Variants in SERPINE3 observed in about 807,000 individuals in gnomAD.
SERPINE3 encodes the protein serpin E3.
A neutral mutation model predicts 41.7 loss-of-function variants in SERPINE3; 43 were observed. The ratio of observed to expected loss-of-function variants is 1.03; its 90% CI spans 0.81 to 1.33. SERPINE3 has a LOEUF of 1.33. Ranked by LOEUF, SERPINE3 falls within the 40% of genes most tolerant of loss-of-function variation. The pLI is 0.00. For missense variants in SERPINE3, 440 were observed against 491.7 expected, an observed-to-expected ratio of 0.89 and a Z score of 0.99; for synonymous variants, 200 against 192.2, an observed-to-expected ratio of 1.04 and a Z score of -0.34.
In SERPINE3 at chr13:51,364,409, T is replaced by C; in HGVS notation, c.*127T>C. ...GCTAAGGGTATGTGATTTTCAATAT[T>C]ATAAACCTAAAAATACTTCAGTTTT... On this transcript the variant is annotated 3_prime_UTR_variant, in exon 10 of 10. Coordinates refer to ENST00000681248, the MANE Select transcript of SERPINE3 (RefSeq NM_001386375.1). The C allele has an allele frequency of 3.9e-6, 2 of 508,612 alleles. No individual in the cohort carries two copies. Among genetic ancestry groups the C allele is most frequent in the Non-Finnish European group, 6.7e-6 (2 of 296,418 alleles). The allele number at this position is 508,612 out of a possible 1,614,324, so 31.5% of individuals were successfully genotyped here.
chr13:51,353,416 T>C (rs574994780), intron 6 of SERPINE3, among the ~76,000 whole-genome samples: 1 of 152,308 alleles, frequency 6.6e-6, no homozygotes, highest in African/African-American at 2.4e-5. Flanking sequence ...AAACACGCAT[T>C]ACAATTATGG....
intron 7 of SERPINE3, 97 bp downstream of exon 7, chr13:51,355,240 G>A (rs912267359): frequency 1.4e-5 from 6 of 443,308 alleles, no homozygotes; most frequent in East Asian, 1.3e-4. Flanking sequence ...TCAACATTAT[G>A]TAAAAGAATA....
At chr13:51,341,949 G>C (rs536203605) in intron 3 of SERPINE3, among the ~76,000 whole-genome samples, 29 of 152,274 alleles carry the variant, frequency 1.9e-4, no homozygotes, top group African/African-American at 5.1e-4. Context: ...CTTCTAGCCA[G>C]TGCCAGATCT....
At chr13:51,361,402 T>C (rs1394949177) in intron 8 of SERPINE3, 38 bp downstream of exon 8, 1 of 1,266,886 alleles carries the variant, frequency 7.9e-7, no homozygotes, top group East Asian at 2.3e-5. Context: ...TGCTTACCCA[T>C]ATCTACCTTT....
chr13:51,346,891 G>T, intron 4 of SERPINE3, 134 bp from the exon 5 acceptor site: 1 of 644,300 alleles, frequency 1.6e-6, no homozygotes, highest in Non-Finnish European at 2.8e-6. Flanking sequence ...GTAAGATGAA[G>T]AGAGAGACCA....
intron 3 of SERPINE3, 27 bp from the exon 4 acceptor site, chr13:51,344,225 C>T (rs1593636557): frequency 6.3e-7 from 1 of 1,576,534 alleles, no homozygotes; most frequent in Non-Finnish European, 8.7e-7. Flanking sequence ...TCACCATTGT[C>T]AACTTATCCC....
chr13:51,345,438 C>CA (rs1264784444), intron 4 of SERPINE3, among the ~76,000 whole-genome samples: 1 of 151,694 alleles, frequency 6.6e-6, no homozygotes, highest in East Asian at 1.9e-4. Flanking sequence ...ACTAAAAATA[C>CA]AAAAAATTAG....
At chr13:51,351,503 G>C (rs1020238976) in intron 6 of SERPINE3, among the ~76,000 whole-genome samples, 1 of 151,994 alleles carries the variant, frequency 6.6e-6, no homozygotes, top group Non-Finnish European at 1.5e-5. Context: ...TTTTATTATT[G>C]AGTTGTAATA....
intron 4 of SERPINE3, among the ~76,000 whole-genome samples, chr13:51,344,741 G>A (rs1955329773): frequency 6.6e-6 from 1 of 151,992 alleles, no homozygotes; most frequent in African/African-American, 2.4e-5. Flanking sequence ...GAGCACACAA[G>A]AACACAGAAT....
chr13:51,342,289 C>T (rs1161171746), intron 3 of SERPINE3, among the ~76,000 whole-genome samples: 1 of 152,134 alleles, frequency 6.6e-6, no homozygotes, highest in African/African-American at 2.4e-5. Flanking sequence ...ATTCTTCACC[C>T]TGTGGGTGAG....
At chr13:51,352,471 GTTTT>G (rs796835423) in intron 6 of SERPINE3, among the ~76,000 whole-genome samples, 1 of 150,222 alleles carries the variant, frequency 6.7e-6, no homozygotes, top group Non-Finnish European at 1.5e-5. Context: ...GCTCTGATAG[GTTTT>G]TTTTTGTGTG....
intron 6 of SERPINE3, among the ~76,000 whole-genome samples, chr13:51,352,025 A>G (rs1385950233): frequency 6.6e-6 from 1 of 152,118 alleles, no homozygotes; most frequent in East Asian, 1.9e-4. Context: ...AGTACCACAC[A>G]GTCTTCATTA....
intron 7 of SERPINE3, among the ~76,000 whole-genome samples, chr13:51,359,000 G>C (rs574200447): frequency 7.2e-5 from 11 of 152,192 alleles, no homozygotes; most frequent in African/African-American, 2.2e-4. Context: ...CAGATTAGCA[G>C]CTCTAAGAAG....
intron 1 of SERPINE3, among the ~76,000 whole-genome samples, chr13:51,340,578 T>C (rs933126615): frequency 1.1e-4 from 16 of 152,192 alleles, no homozygotes; most frequent in African/African-American, 3.6e-4. Flanking sequence ...TCTTTATAGA[T>C]GAAATATAAT....
chr13:51,341,538 T>C (rs1442249535), intron 3 of SERPINE3, among the ~76,000 whole-genome samples, 191 bp downstream of exon 3: 3 of 152,164 alleles, frequency 2.0e-5, no homozygotes, highest in Non-Finnish European at 2.9e-5. Context: ...CTCCCTATGG[T>C]GTGCACATGG....
At chr13:51,358,169 T>C (rs1955510375) in intron 7 of SERPINE3, among the ~76,000 whole-genome samples, 1 of 152,060 alleles carries the variant, frequency 6.6e-6, no homozygotes, top group Non-Finnish European at 1.5e-5. Context: ...TTTCTCTCTC[T>C]AGCCCCCTCT....
At position 51,348,361 on chromosome 13, in the gene SERPINE3, C is replaced by T. The variant is rs1004448403; in HGVS notation, c.849C>T (p.His283=). The T allele has an allele frequency of 1.9e-6, 3 of 1,613,846 alleles. No homozygotes were observed. The African/African-American group carries it at 4.0e-5, about 22-fold the overall frequency. The stretch of plus-strand genomic sequence containing the variant: ...CACACCTCACAGCCAGCACCATCCA[C>T]CTCTGGACCACCAGCCTGAGGAGAG... ...IEPHLTASTI[H]LWTTSLRRAR... is the part of the protein sequence containing the mutation. The change falls in exon 6 of 10, where the codon CAC becomes CAT. Residue 283 remains histidine (H), a synonymous_variant. Coordinates refer to ENST00000681248, the MANE Select transcript of SERPINE3 (RefSeq NM_001386375.1).
chr13:51,344,469 C>A lies in SERPINE3; in HGVS notation c.474C>A (p.Ala158=). 1 of 1,588,568 alleles carries A rather than the reference C, an allele frequency of 6.3e-7. No individual in the cohort carries two copies. The highest frequency in any genetic ancestry group is 8.6e-7 in the Non-Finnish European group (1 of 1,166,856). Residue 158 remains alanine (A), a synonymous_variant, in exon 4 of 10, where the codon GCC becomes GCA. Transcript: ENST00000681248. ...NSTAIQTSEG[A]SRETAGGGPS... is the part of the protein sequence containing the mutation. ...CCGCCATCCAGACTAGCGAAGGGGCCTCCAGAGAGACTGCAGGTAAAAGAA... is the reference window on the plus strand; with the variant it reads ...CCGCCATCCAGACTAGCGAAGGGGCATCCAGAGAGACTGCAGGTAAAAGAA...
At position 51,360,236 on chromosome 13, in the gene SERPINE3, T is replaced by C. The variant is rs141964139; in HGVS notation, c.1001-1042T>C. Reference sequence around the variant, plus strand: ...AATATGTGTTCATCAAACTGATCATTTTAACATTCATGCCACAGATACCTC... The same window carrying C: ...AATATGTGTTCATCAAACTGATCATCTTAACATTCATGCCACAGATACCTC... On this transcript the variant is annotated intron_variant, in intron 7 of 9. Coordinates refer to ENST00000681248, the MANE Select transcript of SERPINE3 (RefSeq NM_001386375.1). Among the ~76,000 whole-genome samples the C allele has an allele frequency of 3.2e-4, 48 of 152,196 alleles. No homozygotes were observed. In the East Asian group the frequency reaches 8.7e-3, roughly 28 times the overall value.
Sources: gnomAD v4.1 joint callset for allele counts (sites outside exome capture counted in the v4.1 genomes callset) on GRCh38, gnomAD v4.1.1 for gene constraint, MANE v1.5 for transcripts, NCBI Gene and HGNC (gene_info 2026-07-23, HGNC 2026-07-21) for gene names.